DNAJA1: variants seen among roughly 807,000 people sequenced by gnomAD.
The protein encoded by DNAJA1 is dnaJ homolog subfamily A member 1.
DNAJA1 carries 26 observed loss-of-function variants against 47.6 expected under a neutral mutation model. That is an observed-to-expected ratio of 0.55 (90% CI 0.40 to 0.76). The LOEUF is 0.76. DNAJA1 is among the 30% of genes least tolerant of loss of function. The pLI is 0.00. For synonymous variants in DNAJA1, 165 were observed against 158.4 expected (o/e 1.04, Z -0.31); for missense variants, 315 against 485.0 (o/e 0.65, Z 3.29).
chr9:33,033,889 T>C (rs1313998509), intron 5 of DNAJA1, among the ~76,000 whole-genome samples: 1 of 152,242 alleles, frequency 6.6e-6, no homozygotes, highest in Non-Finnish European at 1.5e-5. Context: ...ATATACCTGT[T>C]GAGTTAATAC....
chr9:33,027,794 G>A (rs1445985717), intron 3 of DNAJA1, among the ~76,000 whole-genome samples: 3 of 151,942 alleles, frequency 2.0e-5, no homozygotes, highest in African/African-American at 4.8e-5. Context: ...AGGTTGCAGC[G>A]AACGGAGGTC....
Position 33,027,101 on chromosome 9 carries a change from C to T in DNAJA1, c.310+111C>T, listed in dbSNP as rs757440017. ...TTGTTTACATGTTGGTATAATGTTG[C>T]AAACTGACCACAAATTGCCTCTGAT... On this transcript the variant is annotated intron_variant, in intron 3 of 8. Transcript: ENST00000330899. 7.6e-4 allele frequency: 975 copies of T among 1,274,670 alleles called. 1 individual carries two copies. The highest frequency in any genetic ancestry group is 1.9e-3 in the Admixed American group (70 of 37,096). The allele number at this position is 1,274,670 out of a possible 1,614,324, so 79.0% of individuals were successfully genotyped here.
chr9:33,031,646 G>T (rs1485567572), intron 5 of DNAJA1, among the ~76,000 whole-genome samples: 1 of 151,956 alleles, frequency 6.6e-6, no homozygotes, highest in Non-Finnish European at 1.5e-5. Flanking sequence ...TGTTAGGCTG[G>T]TCTCAAACTC....
chr9:33,039,513 GT>G lies in DNAJA1; in HGVS notation c.*611del, dbSNP rs1839086527. ...CTTGAAGGCTTGCACTTCCAGAATTGTGTTTCCTTCTGCTGTGCCATTCATA... is the reference window on the plus strand; with the variant it reads ...CTTGAAGGCTTGCACTTCCAGAATTGGTTTCCTTCTGCTGTGCCATTCATA... On this transcript the variant is annotated 3_prime_UTR_variant, in exon 9 of 9. Coordinates refer to ENST00000330899, the MANE Select transcript of DNAJA1 (RefSeq NM_001539.4). 1 of 127,702 alleles carries G rather than the reference GT, an allele frequency of 7.8e-6. No homozygotes were observed. Among genetic ancestry groups the G allele is most frequent in the Admixed American group, 8.1e-5 (1 of 12,272 alleles). 7.9% of individuals were successfully genotyped at this position (127,702 alleles called of 1,614,324 possible).
At chr9:33,033,177 A>G (rs910682015) in intron 5 of DNAJA1, among the ~76,000 whole-genome samples, 4 of 151,986 alleles carry the variant, frequency 2.6e-5, no homozygotes, top group African/African-American at 9.7e-5. Context: ...AAAAAAAAAA[A>G]AAAGGCGTGT....
At chr9:33,037,385 A>C in intron 8 of DNAJA1, 1 of 281,400 alleles carries the variant, frequency 3.6e-6, no homozygotes, top group Non-Finnish European at 6.8e-6. Flanking sequence ...CCACAGCAAG[A>C]AATATATGGA....
intron 5 of DNAJA1, among the ~76,000 whole-genome samples, chr9:33,032,846 G>C (rs1438763194): frequency 1.3e-5 from 2 of 152,132 alleles, no homozygotes; most frequent in Admixed American, 6.6e-5. Flanking sequence ...TATGTGGGGG[G>C]CATGCGTAGG....
At chr9:33,028,997 G>A (rs1838918727) in intron 3 of DNAJA1, among the ~76,000 whole-genome samples, 2 of 152,184 alleles carry the variant, frequency 1.3e-5, no homozygotes, top group African/African-American at 2.4e-5. Context: ...AGGACCACTA[G>A]TTAGGAACTT....
At chr9:33,028,141 A>G (rs1037915307) in intron 3 of DNAJA1, among the ~76,000 whole-genome samples, 1 of 152,098 alleles carries the variant, frequency 6.6e-6, no homozygotes, top group African/African-American at 2.4e-5. Context: ...GATGGTAGGT[A>G]CAGTGGCCTT....
chr9:33,028,053 C>CA (rs1838902631), intron 3 of DNAJA1, among the ~76,000 whole-genome samples: 2 of 132,264 alleles, frequency 1.5e-5, no homozygotes, highest in Admixed American at 7.6e-5. Context: ...AAAAAAAAGA[C>CA]AAAGTATATA....
At chr9:33,037,907 T>C (rs969825591) in intron 8 of DNAJA1, among the ~76,000 whole-genome samples, 1 of 152,182 alleles carries the variant, frequency 6.6e-6, no homozygotes, top group African/African-American at 2.4e-5. Flanking sequence ...GGCAAAATAG[T>C]GTAATGCTTG....
At chr9:33,027,054 A>AG in intron 3 of DNAJA1, 64 bp downstream of exon 3, 1 of 1,578,442 alleles carries the variant, frequency 6.3e-7, no homozygotes, top group South Asian at 1.1e-5. Context: ...CAGATCTTTG[A>AG]GAAATCACCC....
intron 8 of DNAJA1, chr9:33,037,322 A>AC: frequency 3.0e-6 from 1 of 334,056 alleles, no homozygotes; most frequent in Non-Finnish European, 5.6e-6. Flanking sequence ...AAAAACAAAA[A>AC]AAAAAAAAAA....
At chr9:33,035,583 C>T (rs1037386578) in intron 6 of DNAJA1, among the ~76,000 whole-genome samples, 5 of 152,158 alleles carry the variant, frequency 3.3e-5, no homozygotes, top group African/African-American at 1.2e-4. Context: ...AATTCTCTCA[C>T]CTCAGCCTCC....
chr9:33,025,812 C>T (rs921319182), intron 1 of DNAJA1, among the ~76,000 whole-genome samples: 4 of 152,136 alleles, frequency 2.6e-5, no homozygotes, highest in African/African-American at 4.8e-5. Flanking sequence ...TTCTCTGTTT[C>T]CCCTCCCTTT....
At position 33,039,064 on chromosome 9, in the gene DNAJA1, C is replaced by T; in HGVS notation, c.*161C>T. On this transcript the variant is annotated 3_prime_UTR_variant, in exon 9 of 9. Coordinates refer to ENST00000330899, the MANE Select transcript of DNAJA1 (RefSeq NM_001539.4). Reference sequence around the variant, plus strand: ...TGAAGAATAAACGCAAATATAAAAGCTCTGATTTTGCCCTGTATGTATGAT... The same window carrying T: ...TGAAGAATAAACGCAAATATAAAAGTTCTGATTTTGCCCTGTATGTATGAT... 1 of 723,050 alleles carries T rather than the reference C, an allele frequency of 1.4e-6. No homozygotes were observed. The highest frequency in any genetic ancestry group is 1.9e-5 in the South Asian group (1 of 51,920). 44.8% of individuals were successfully genotyped at this position (723,050 alleles called of 1,614,324 possible).
intron 3 of DNAJA1, among the ~76,000 whole-genome samples, chr9:33,027,300 C>T (rs1374448603): frequency 1.3e-5 from 2 of 152,000 alleles, no homozygotes; most frequent in South Asian, 2.1e-4. Flanking sequence ...GGATTACAGG[C>T]ATGTGCCACC....
In DNAJA1 at chr9:33,026,797, C is replaced by T. The variant is rs1469704956; in HGVS notation, c.133-16C>T. 5 of 1,604,362 alleles carry T rather than the reference C, an allele frequency of 3.1e-6. No individual in the cohort carries two copies. In the African/African-American group the frequency reaches 4.1e-5, roughly 13 times the overall value. The stretch of plus-strand genomic sequence containing the variant: ...GTTTTTTAAAAAATGAAATTCACTC[C>T]TCTTTTCTCAAACAGTTTAAACAGA... On this transcript the variant is annotated splice_polypyrimidine_tract_variant and intron_variant, in intron 2 of 8. Transcript: ENST00000330899.
Position 33,038,612 on chromosome 9 carries a change from G to C in DNAJA1, c.976-73G>C. 2.9e-6 allele frequency: 4 copies of C among 1,395,388 alleles called. No individual in the cohort carries two copies. In the South Asian group the frequency reaches 5.4e-5, roughly 19 times the overall value. 86.4% of individuals were successfully genotyped at this position (1,395,388 alleles called of 1,614,324 possible). On this transcript the variant is annotated intron_variant, in intron 8 of 8. Transcript: ENST00000330899. Reference sequence around the variant, plus strand: ...TACGTGTTTACATGTGTTTTTCTGGGGAAAATGGGTCCATGATACTCTAAG... The same window carrying C: ...TACGTGTTTACATGTGTTTTTCTGGCGAAAATGGGTCCATGATACTCTAAG...
Sources: allele counts gnomAD v4.1 joint callset (sites outside exome capture counted in the v4.1 genomes callset), GRCh38; gene constraint gnomAD v4.1.1; transcripts MANE v1.5; gene names NCBI Gene and HGNC (gene_info 2026-07-23, HGNC 2026-07-21).